Variants in NUDT3 observed in about 807,000 individuals in gnomAD.
NUDT3 encodes nudix hydrolase 3.
NUDT3 carries 9 observed loss-of-function variants against 23.6 expected under a neutral mutation model. The observed-to-expected ratio is 0.38, with a 90% confidence interval of 0.23 to 0.66. The LOEUF is 0.66. NUDT3 is among the 30% of genes least tolerant of loss of function. The probability of loss-of-function intolerance (pLI) is 0.52; values close to 1 mark genes in which losing one functional copy is unlikely to be tolerated. For synonymous variants in NUDT3, 86 were observed against 82.6 expected, an observed-to-expected ratio of 1.04 and a Z score of -0.22; for missense variants, 172 against 218.5, an observed-to-expected ratio of 0.79 and a Z score of 1.34.
chr6:34,382,421 T>C (rs953463391), intron 1 of NUDT3, among the ~76,000 whole-genome samples: 7 of 152,006 alleles, frequency 4.6e-5, no homozygotes, highest in Non-Finnish European at 1.0e-4. Flanking sequence ...AACAAACAAA[T>C]TTCAAAGTAT....
At chr6:34,392,154 C>A in intron 1 of NUDT3, 110 bp downstream of exon 1, 1 of 731,106 alleles carries the variant, frequency 1.4e-6, no homozygotes, top group Admixed American at 3.3e-5. Context: ...TTCATTCCGC[C>A]CGAGCGGGGC....
intron 1 of NUDT3, among the ~76,000 whole-genome samples, chr6:34,357,102 G>A (rs1299608998): frequency 6.6e-6 from 1 of 152,094 alleles, no homozygotes; most frequent in Non-Finnish European, 1.5e-5. Flanking sequence ...TTTAAAGACA[G>A]TATTCTGTTT....
intron 2 of NUDT3, among the ~76,000 whole-genome samples, chr6:34,317,067 A>G (rs887014932): frequency 1.3e-5 from 2 of 152,114 alleles, no homozygotes; most frequent in Non-Finnish European, 2.9e-5. Context: ...TTGCTGATGA[A>G]CTAGATATTA....
intron 1 of NUDT3, among the ~76,000 whole-genome samples, chr6:34,366,433 AGAGAGAGAGAAG>A (rs1267492429): frequency 7.5e-6 from 1 of 134,186 alleles, no homozygotes; most frequent in Non-Finnish European, 1.6e-5. Flanking sequence ...AGAGAGAGAA[AGAGAGAGAGAAG>A]GAGAGAGAGA....
intron 2 of NUDT3, among the ~76,000 whole-genome samples, chr6:34,299,916 A>AT (rs146466723): frequency 0.053 from 7,099 of 134,002 alleles, 279 homozygotes; most frequent in African/African-American, 0.11. Flanking sequence ...AAAAAAAAAT[A>AT]TTTTTTTTAT....
intron 2 of NUDT3, among the ~76,000 whole-genome samples, chr6:34,340,043 G>C (rs1478545353): frequency 6.6e-6 from 1 of 152,168 alleles, no homozygotes; most frequent in Non-Finnish European, 1.5e-5. Context: ...AGTCTGCTGG[G>C]GGACCCTTTG....
At chr6:34,335,941 T>A (rs1764202441) in intron 2 of NUDT3, among the ~76,000 whole-genome samples, 1 of 152,092 alleles carries the variant, frequency 6.6e-6, no homozygotes. Flanking sequence ...TAAGTATTTA[T>A]GGAGTACAGT....
Position 34,357,663 on chromosome 6 carries a change from A to C in NUDT3, c.100-15691T>G, listed in dbSNP as rs569637956. ...AAAATTTAATGCATTGGTTATTCTTAGCCATTTATACTTTCGTATATTTTA... is the reference window on the plus strand; with the variant it reads ...AAAATTTAATGCATTGGTTATTCTTCGCCATTTATACTTTCGTATATTTTA... On this transcript the variant is annotated intron_variant, in intron 1 of 4. Transcript: ENST00000607016. 3.3e-5 allele frequency among the ~76,000 whole-genome samples: 5 copies of C among 152,180 alleles called. No individual in the cohort carries two copies. The South Asian group carries it at 8.3e-4, about 25-fold the overall frequency.
chr6:34,369,557 A>G (rs1369433927), intron 1 of NUDT3, among the ~76,000 whole-genome samples: 1 of 152,212 alleles, frequency 6.6e-6, no homozygotes, highest in Non-Finnish European at 1.5e-5. Flanking sequence ...TAAGTAAGAT[A>G]ACGTCAAACA....
chr6:34,344,954 T>C (rs759681631), intron 1 of NUDT3, among the ~76,000 whole-genome samples: 7 of 152,000 alleles, frequency 4.6e-5, no homozygotes, highest in Admixed American at 2.0e-4. Flanking sequence ...CCAGGCTGAA[T>C]TGTTCATTTT....
intron 2 of NUDT3, among the ~76,000 whole-genome samples, chr6:34,330,015 C>T (rs1012127556): frequency 6.6e-6 from 1 of 152,166 alleles, no homozygotes; most frequent in Admixed American, 6.5e-5. Flanking sequence ...TTCCACAGTG[C>T]CTATGTGCCA....
intron 2 of NUDT3, among the ~76,000 whole-genome samples, chr6:34,337,268 C>G (rs981922177): frequency 4.6e-5 from 7 of 152,128 alleles, no homozygotes; most frequent in Non-Finnish European, 7.4e-5. Context: ...AGCTCAAAGT[C>G]AGGAAGGATT....
intron 1 of NUDT3, among the ~76,000 whole-genome samples, chr6:34,363,200 T>C (rs929297730): frequency 2.0e-5 from 3 of 152,208 alleles, no homozygotes; most frequent in South Asian, 2.1e-4. Context: ...AGAGGTTGCA[T>C]AATATGCTAA....
intron 2 of NUDT3, among the ~76,000 whole-genome samples, chr6:34,321,594 T>C (rs1763943430): frequency 6.6e-6 from 1 of 152,132 alleles, no homozygotes; most frequent in African/African-American, 2.4e-5. Context: ...AATATATATA[T>C]TTTTCGCTTA....
At chr6:34,308,740 T>C (rs1282056925) in intron 2 of NUDT3, among the ~76,000 whole-genome samples, 1 of 152,160 alleles carries the variant, frequency 6.6e-6, no homozygotes, top group Non-Finnish European at 1.5e-5. Context: ...TTCTACAAGA[T>C]GACATAATAA....
chr6:34,374,524 T>C (rs554886642), intron 1 of NUDT3, among the ~76,000 whole-genome samples: 1 of 152,200 alleles, frequency 6.6e-6, no homozygotes, highest in Non-Finnish European at 1.5e-5. Context: ...GCTGTTATGA[T>C]CAGCATCTGA....
intron 2 of NUDT3, among the ~76,000 whole-genome samples, chr6:34,319,377 C>A (rs995128891): frequency 2.0e-5 from 3 of 152,176 alleles, no homozygotes; most frequent in Admixed American, 2.0e-4. Context: ...TTCCATGACC[C>A]CCTATTTGGG....
At chr6:34,361,511 A>G (rs1764650039) in intron 1 of NUDT3, among the ~76,000 whole-genome samples, 1 of 152,190 alleles carries the variant, frequency 6.6e-6, no homozygotes, top group Admixed American at 6.5e-5. Flanking sequence ...TGATAACACA[A>G]TCATACTTCT....
intron 2 of NUDT3, among the ~76,000 whole-genome samples, chr6:34,334,983 GAGAGA>G (rs1764186345): frequency 6.6e-6 from 1 of 151,312 alleles, no homozygotes; most frequent in Non-Finnish European, 1.5e-5. Flanking sequence ...GAAAGAAAGA[GAGAGA>G]AGAGAGAGAG....
Sources: gnomAD v4.1 joint callset for allele counts (sites outside exome capture counted in the v4.1 genomes callset) on GRCh38, gnomAD v4.1.1 for gene constraint, MANE v1.5 for transcripts, NCBI Gene and HGNC (gene_info 2026-07-23, HGNC 2026-07-21) for gene names.